The following RPAP2 variants were observed in gnomAD, a reference collection of about 807,000 sequenced individuals.
RPAP2 encodes RNA polymerase II associated protein 2.
RPAP2 carries 52 observed loss-of-function variants against 73.1 expected under a neutral mutation model. The ratio of observed to expected loss-of-function variants is 0.71; its 90% CI spans 0.57 to 0.90. The LOEUF is 0.90. Ranked by LOEUF, RPAP2 falls within the 40% of genes least tolerant of loss-of-function variation. The pLI is 0.00. For synonymous variants in RPAP2, 225 were observed against 242.1 expected, an observed-to-expected ratio of 0.93 and a Z score of 0.65; for missense variants, 598 against 701.8, an observed-to-expected ratio of 0.85 and a Z score of 1.67.
intron 11 of RPAP2, among the ~76,000 whole-genome samples, chr1:92,377,516 C>CAAAAAAAAAAAAAAAAAAAAAAAAAA (rs530908177): frequency 1.3e-5 from 1 of 76,608 alleles, no homozygotes; most frequent in Non-Finnish European, 2.4e-5. Flanking sequence ...AACTTTGTCT[C>CAAAAAAAAAAAAAAAAAAAAAAAAAA]AAAAAAAAAA....
chr1:92,317,323 A>G (rs112355351), intron 6 of RPAP2, among the ~76,000 whole-genome samples: 2,960 of 152,218 alleles, frequency 0.019, 120 homozygotes, highest in African/African-American at 0.067. Flanking sequence ...CCTGGCCAAC[A>G]TGGTGAAACC....
rs1162119004 is a variant in RPAP2 at position 92,391,335 on chromosome 1, G to C, written c.*4324G>C. ...AATAAAGATGTTCTTTGGAACCAAC[G>C]AGAACAAAGACACAATGTACCAGAA... On this transcript the variant is annotated 3_prime_UTR_variant, in exon 13 of 13. Transcript: ENST00000610020. 6.6e-6 allele frequency: 1 copy of C among 152,072 alleles called. No homozygotes were observed. Among genetic ancestry groups the C allele is most frequent in the African/African-American group, 2.4e-5 (1 of 41,394 alleles). 9.4% of individuals were successfully genotyped at this position (152,072 alleles called of 1,614,324 possible).
At chr1:92,350,355 G>A (rs562263195) in intron 11 of RPAP2, among the ~76,000 whole-genome samples, 2 of 152,268 alleles carry the variant, frequency 1.3e-5, no homozygotes, top group Non-Finnish European at 2.9e-5. Flanking sequence ...ATATATAACA[G>A]TGATAATTGA....
intron 7 of RPAP2, among the ~76,000 whole-genome samples, chr1:92,322,242 A>G (rs1652319465): frequency 6.6e-6 from 1 of 151,560 alleles, no homozygotes; most frequent in African/African-American, 2.4e-5. Context: ...CACCACACTC[A>G]GCCAAAGTTT....
chr1:92,301,324 T>G (rs1650841704), intron 2 of RPAP2, 152 bp from the exon 3 acceptor site: 1 of 308,574 alleles, frequency 3.2e-6, no homozygotes, highest in Non-Finnish European at 5.7e-6. Flanking sequence ...TCTCTACAAT[T>G]AAAAAGAAAT....
chr1:92,338,648 A>AT (rs11455274), intron 10 of RPAP2, among the ~76,000 whole-genome samples: 70,685 of 142,566 alleles, frequency 0.5, 18,309 homozygotes, highest in East Asian at 0.95. Flanking sequence ...CTGATCATTG[A>AT]TTTTTTTTTT....
chr1:92,334,446 A>C (rs1302564731), intron 9 of RPAP2, among the ~76,000 whole-genome samples: 1 of 152,170 alleles, frequency 6.6e-6, no homozygotes, highest in Non-Finnish European at 1.5e-5. Context: ...TGATCATTTT[A>C]TTGTGATTAT....
chr1:92,384,600 G>T (rs2101456949), intron 12 of RPAP2, among the ~76,000 whole-genome samples: 1 of 151,238 alleles, frequency 6.6e-6, no homozygotes, highest in East Asian at 2.0e-4. Flanking sequence ...CTCCAGCCTG[G>T]GTGACAGTGC....
intron 11 of RPAP2, among the ~76,000 whole-genome samples, chr1:92,374,829 G>C (rs1193632451): frequency 1.3e-5 from 2 of 152,100 alleles, no homozygotes. Flanking sequence ...GGGTGAGAGG[G>C]AGTGAGGGAT....
chr1:92,392,635 C>G lies in RPAP2; in HGVS notation c.*5624C>G, dbSNP rs1381900006. 6.6e-6 allele frequency: 1 copy of G among 152,064 alleles called. No homozygotes were observed. The highest frequency in any genetic ancestry group is 2.1e-4 in the South Asian group (1 of 4,824). The allele number at this position is 152,064 out of a possible 1,614,324, so 9.4% of individuals were successfully genotyped here. A position where few individuals can be genotyped will look rare whatever the true frequency, so the allele number is the denominator to read the frequency against. ...TGACATGATTGTATATTTAGAAAAC[C>G]CCATCGTCTCATCCCAAAATCTCCT... On this transcript the variant is annotated 3_prime_UTR_variant, in exon 13 of 13. Transcript: ENST00000610020.
intron 11 of RPAP2, among the ~76,000 whole-genome samples, chr1:92,370,331 C>A (rs1047689723): frequency 2.6e-5 from 4 of 152,166 alleles, no homozygotes; most frequent in African/African-American, 9.6e-5. Flanking sequence ...GAAAGAACAC[C>A]ACTGCAAACA....
chr1:92,374,021 C>G lies in RPAP2; in HGVS notation c.1689-6703C>G, dbSNP rs544346587. Among the ~76,000 whole-genome samples, 80 of 152,244 alleles carry G rather than the reference C, an allele frequency of 5.3e-4. No individual in the cohort carries two copies. In the South Asian group the frequency reaches 0.014, roughly 27 times the overall value. On this transcript the variant is annotated intron_variant, in intron 11 of 12. Transcript: ENST00000610020. ...TTTGTCTTTGCTGGTACTACACTTG[C>G]AACTACTTGATTGTGCTGTTGTAGC...
chr1:92,304,444 A>G, intron 5 of RPAP2, 95 bp downstream of exon 5: 1 of 617,196 alleles, frequency 1.6e-6, no homozygotes, highest in Non-Finnish European at 2.7e-6. Context: ...ATGATATTAA[A>G]TAGGATTCTA....
In RPAP2 at chr1:92,326,310, T is replaced by C. The variant is rs564516621; in HGVS notation, c.1455+1935T>C. Reference sequence around the variant, plus strand: ...TTGACCACTTGGATAATCTCTTAGGTCAGGTCTGCAGATCTCTCAGCCATG... The same window carrying C: ...TTGACCACTTGGATAATCTCTTAGGCCAGGTCTGCAGATCTCTCAGCCATG... On this transcript the variant is annotated intron_variant, in intron 8 of 12. Transcript: ENST00000610020. Among the ~76,000 whole-genome samples the C allele has an allele frequency of 1.4e-4, 22 of 152,296 alleles. No individual in the cohort carries two copies. The East Asian group carries it at 4.2e-3, about 29-fold the overall frequency.
chr1:92,334,920 G>A (rs763955915), intron 9 of RPAP2, among the ~76,000 whole-genome samples: 4 of 152,082 alleles, frequency 2.6e-5, no homozygotes, highest in Non-Finnish European at 4.4e-5. Context: ...CCCAGGAGGC[G>A]GAGCTTGCAG....
At chr1:92,328,286 A>G (rs1031871359) in intron 8 of RPAP2, among the ~76,000 whole-genome samples, 23 of 152,182 alleles carry the variant, frequency 1.5e-4, no homozygotes, top group African/African-American at 5.3e-4. Context: ...TCTCAGGAAC[A>G]CCAATTATTC....
At chr1:92,340,190 G>C (rs1262278897) in intron 10 of RPAP2, among the ~76,000 whole-genome samples, 1 of 152,194 alleles carries the variant, frequency 6.6e-6, no homozygotes. Flanking sequence ...CTTAGTAACT[G>C]TAAGTCAAAG....
intron 10 of RPAP2, among the ~76,000 whole-genome samples, chr1:92,341,562 A>C (rs1317575922): frequency 5.9e-5 from 9 of 152,234 alleles, no homozygotes; most frequent in Admixed American, 2.6e-4. Context: ...TACAGCAGAC[A>C]CTCTAAATAC....
rs1373869362 is a variant in RPAP2, at chr1:92,380,601, G to C, written c.1689-123G>C. On this transcript the variant is annotated intron_variant, in intron 11 of 12. Transcript: ENST00000610020. Reference sequence around the variant, plus strand: ...TTTGTTAGTAAAGCCTTCTCTCTGGGAGTTTAGTTAAATCAAAGAGACTTT... The same window carrying C: ...TTTGTTAGTAAAGCCTTCTCTCTGGCAGTTTAGTTAAATCAAAGAGACTTT... 3 of 574,510 alleles carry C rather than the reference G, an allele frequency of 5.2e-6. No homozygotes were observed. In the East Asian group the frequency reaches 9.2e-5, roughly 18 times the overall value. 35.6% of individuals were successfully genotyped at this position (574,510 alleles called of 1,614,324 possible). A position where few individuals can be genotyped will look rare whatever the true frequency, so the allele number is the denominator to read the frequency against.
Sources: allele counts gnomAD v4.1 joint callset (sites outside exome capture counted in the v4.1 genomes callset), GRCh38; gene constraint gnomAD v4.1.1; transcripts MANE v1.5; gene names NCBI Gene and HGNC (gene_info 2026-07-23, HGNC 2026-07-21).